Variants in MSANTD5 observed in about 807,000 individuals in gnomAD.
The protein encoded by MSANTD5 is uncharacterized protein MSANTD5.
At chr5:178,696,041 T>C (rs60402225) in intron 2 of MSANTD5, 56 bp downstream of exon 2, 36,857 of 151,986 alleles carry the variant, frequency 0.24, 5,311 homozygotes, top group African/African-American at 0.39. Context: ...CTCGAGAAGA[T>C]GGAGGTGGGC....
At chr5:178,697,323 G>A (rs1053311870) in intron 1 of MSANTD5, among the ~76,000 whole-genome samples, 23 of 151,484 alleles carry the variant, frequency 1.5e-4, no homozygotes, top group Admixed American at 2.6e-4. Context: ...GCGTGGTGGC[G>A]GGCGCCTGTA....
the MSANTD5 span, among the ~76,000 whole-genome samples, chr5:178,705,268 G>C: frequency 6.6e-6 from 1 of 151,934 alleles, no homozygotes; most frequent in African/African-American, 2.4e-5. Context: ...GGATGGTCTC[G>C]ATCTCCTGAC....
downstream of MSANTD5, among the ~76,000 whole-genome samples, chr5:178,693,638 A>G (rs527718283): frequency 6.6e-6 from 1 of 152,016 alleles, no homozygotes; most frequent in Non-Finnish European, 1.5e-5. Flanking sequence ...AGAGGACCTG[A>G]GCACCTTGCA....
intron 1 of MSANTD5, among the ~76,000 whole-genome samples, chr5:178,696,618 G>A (rs763334741): frequency 1.4e-4 from 21 of 152,266 alleles, no homozygotes; most frequent in Middle Eastern, 3.4e-3. Context: ...GTGGAGTGAA[G>A]GCAGGAAACA....
At chr5:178,702,403 C>A (rs561640934), upstream of MSANTD5, among the ~76,000 whole-genome samples, 4 of 149,540 alleles carry the variant, frequency 2.7e-5, no homozygotes. Context: ...TGGGTTCAGG[C>A]GATTCTTCGG....
upstream of MSANTD5, among the ~76,000 whole-genome samples, chr5:178,698,351 G>T (rs1765441561): frequency 1.3e-5 from 2 of 152,176 alleles, no homozygotes; most frequent in South Asian, 4.1e-4. Flanking sequence ...TGGGGACGGA[G>T]AAGGAGTGTG....
upstream of MSANTD5, among the ~76,000 whole-genome samples, chr5:178,699,937 T>TCTAATGGGGACCCTGCTTATCTTG (rs58269048): frequency 2.0e-5 from 3 of 146,788 alleles, no homozygotes; most frequent in African/African-American, 2.5e-5. Context: ...TTCTGTGGCT[T>TCTAATGGGGACCCTGCTTATCTTG]TCCAGCACAG....
At chr5:178,703,298 T>G in the MSANTD5 span, among the ~76,000 whole-genome samples, 2 of 152,182 alleles carry the variant, frequency 1.3e-5, no homozygotes, top group African/African-American at 4.8e-5. Flanking sequence ...CTTGGCCTGC[T>G]CCACAGTGTG....
upstream of MSANTD5, among the ~76,000 whole-genome samples, chr5:178,701,199 C>G (rs984338936): frequency 1.3e-5 from 2 of 151,966 alleles, no homozygotes; most frequent in Non-Finnish European, 2.9e-5. Flanking sequence ...GGATGGTCTC[C>G]AACTCTTGAC....
At chr5:178,697,219 C>T (rs564221623) in intron 1 of MSANTD5, among the ~76,000 whole-genome samples, 111 of 152,254 alleles carry the variant, frequency 7.3e-4, no homozygotes, top group Non-Finnish European at 1.4e-3. Context: ...CTTTGGGAGG[C>T]CGAGGCGGGC....
At chr5:178,699,881 A>AGGGGGACCC (rs1765457708), upstream of MSANTD5, among the ~76,000 whole-genome samples, 2 of 151,568 alleles carry the variant, frequency 1.3e-5, no homozygotes, top group African/African-American at 4.9e-5. Flanking sequence ...GTGGCTTCTA[A>AGGGGGACCC]TGGGGACCCT....
At chr5:178,705,053 CTTTTT>C in the MSANTD5 span, among the ~76,000 whole-genome samples, 52 of 148,160 alleles carry the variant, frequency 3.5e-4, no homozygotes, top group Admixed American at 1.1e-3. Context: ...TTCTTCTTTT[CTTTTT>C]TTTTTTTTGA....
chr5:178,693,526 G>A (rs1476170233), downstream of MSANTD5, among the ~76,000 whole-genome samples: 2 of 152,066 alleles, frequency 1.3e-5, no homozygotes, highest in African/African-American at 2.4e-5. Context: ...TACCTTCACC[G>A]CGGGTGTTAT....
chr5:178,707,085 A>G, the MSANTD5 span: 4 of 152,166 alleles, frequency 2.6e-5, no homozygotes, highest in African/African-American at 9.7e-5. Context: ...CAGCTTGACT[A>G]GCTTTTTCTT....
chr5:178,694,331 A>C (rs1362995279), downstream of MSANTD5, among the ~76,000 whole-genome samples: 1 of 151,638 alleles, frequency 6.6e-6, no homozygotes, highest in East Asian at 1.9e-4. Flanking sequence ...AAAAAAAAAA[A>C]AAAAAAAGAT....
chr5:178,697,435 C>A (rs1411817803), intron 1 of MSANTD5, among the ~76,000 whole-genome samples, 151 bp downstream of exon 1: 2 of 152,142 alleles, frequency 1.3e-5, no homozygotes, highest in African/African-American at 2.4e-5. Flanking sequence ...GCCTGGGCGA[C>A]AGAGCGAGAC....
chr5:178,706,422 G>A, the MSANTD5 span, among the ~76,000 whole-genome samples: 1 of 152,078 alleles, frequency 6.6e-6, no homozygotes, highest in African/African-American at 2.4e-5. Context: ...TTGCACTGCG[G>A]CTCTGCTGGG....
At chr5:178,704,554 T>C in the MSANTD5 span, among the ~76,000 whole-genome samples, 2 of 152,208 alleles carry the variant, frequency 1.3e-5, no homozygotes, top group African/African-American at 4.8e-5. Flanking sequence ...CATAGCCAGT[T>C]TGTGGAATTA....
At chr5:178,698,872 TG>T, upstream of MSANTD5, among the ~76,000 whole-genome samples, 1 of 151,024 alleles carries the variant, frequency 6.6e-6, no homozygotes, top group Non-Finnish European at 1.5e-5. Flanking sequence ...ACTGCAGGTG[TG>T]AGCCACCATG....
Sources: gnomAD v4.1 joint callset for allele counts (sites outside exome capture counted in the v4.1 genomes callset) on GRCh38, gnomAD v4.1.1 for gene constraint, MANE v1.5 for transcripts, NCBI Gene and HGNC (gene_info 2026-07-23, HGNC 2026-07-21) for gene names.